Variants in TNFSF4 observed in about 807,000 individuals in gnomAD.
The protein encoded by TNFSF4 is tumor necrosis factor ligand superfamily member 4.
A neutral mutation model predicts 7.3 loss-of-function variants in TNFSF4; 4 were observed. The ratio of observed to expected loss-of-function variants is 0.55; its 90% CI spans 0.27 to 1.25. The LOEUF (loss-of-function observed/expected upper bound fraction) is 1.25, where lower values mean the gene tolerates loss of function less well. Ranked by LOEUF, TNFSF4 falls within the 50% of genes most tolerant of loss-of-function variation. TNFSF4 has a pLI of 0.12. For synonymous variants in TNFSF4, 76 were observed against 83.7 expected (o/e 0.91, Z 0.50); for missense variants, 181 against 208.8 (o/e 0.87, Z 0.82).
chr1:173,220,147 C>T, the TNFSF4 span, among the ~76,000 whole-genome samples: 3 of 152,008 alleles, frequency 2.0e-5, no homozygotes, highest in South Asian at 2.1e-4. Context: ...ACTCAGCAAC[C>T]TTCAAATATC....
chr1:173,210,045 T>C (rs911121205), upstream of TNFSF4, among the ~76,000 whole-genome samples: 28 of 151,996 alleles, frequency 1.8e-4, no homozygotes, highest in Non-Finnish European at 3.2e-4. Flanking sequence ...TTTTTTTTTT[T>C]CTTTGGTTTG....
At chr1:173,374,258 C>T in the TNFSF4 span, among the ~76,000 whole-genome samples, 2 of 152,108 alleles carry the variant, frequency 1.3e-5, no homozygotes, top group Non-Finnish European at 2.9e-5. Flanking sequence ...ACCTTAAGAA[C>T]CTACCCAAAG....
At chr1:173,197,869 C>A (rs1397423215) in intron 1 of TNFSF4, among the ~76,000 whole-genome samples, 1 of 152,082 alleles carries the variant, frequency 6.6e-6, no homozygotes, top group African/African-American at 2.4e-5. Context: ...AAAAGAAAGT[C>A]AATTGACCAT....
the TNFSF4 span, among the ~76,000 whole-genome samples, chr1:173,349,185 C>T: frequency 1.6e-3 from 237 of 152,218 alleles, no homozygotes; most frequent in African/African-American, 5.6e-3. Context: ...CCCGCTGCCA[C>T]GCCCGGCTAA....
chr1:173,361,072 G>A, the TNFSF4 span, among the ~76,000 whole-genome samples: 1 of 152,202 alleles, frequency 6.6e-6, no homozygotes, highest in Non-Finnish European at 1.5e-5. Context: ...CTTACTGAAT[G>A]TGGTTACAAG....
chr1:173,231,692 A>G, the TNFSF4 span, among the ~76,000 whole-genome samples: 2 of 152,190 alleles, frequency 1.3e-5, no homozygotes, highest in Non-Finnish European at 2.9e-5. Flanking sequence ...TGCCGATGAC[A>G]TGATTGTATA....
At chr1:173,420,048 A>G in the TNFSF4 span, among the ~76,000 whole-genome samples, 12,341 of 152,230 alleles carry the variant, frequency 0.081, 763 homozygotes, top group East Asian at 0.28. Flanking sequence ...AGCTGCATGC[A>G]GCAAAATGCA....
At chr1:173,405,736 G>T in the TNFSF4 span, among the ~76,000 whole-genome samples, 1 of 152,176 alleles carries the variant, frequency 6.6e-6, no homozygotes, top group Admixed American at 6.5e-5. Context: ...TACATAAAAA[G>T]AGTAGATGGT....
chr1:173,233,508 A>T, the TNFSF4 span, among the ~76,000 whole-genome samples: 17 of 152,232 alleles, frequency 1.1e-4, no homozygotes, highest in East Asian at 3.3e-3. Flanking sequence ...GAGAAAAGCA[A>T]CTCCAAGACA....
chr1:173,365,458 G>A, the TNFSF4 span, among the ~76,000 whole-genome samples: 9 of 152,232 alleles, frequency 5.9e-5, no homozygotes, highest in East Asian at 1.5e-3. Flanking sequence ...GTCCTATAAT[G>A]AGGGGAAATT....
At chr1:173,325,331 A>C in the TNFSF4 span, among the ~76,000 whole-genome samples, 4 of 152,208 alleles carry the variant, frequency 2.6e-5, no homozygotes, top group Non-Finnish European at 5.9e-5. Flanking sequence ...ACAAAGACAC[A>C]ACATACCAGA....
chr1:173,209,647 G>C (rs752857676), upstream of TNFSF4, among the ~76,000 whole-genome samples: 10 of 152,088 alleles, frequency 6.6e-5, no homozygotes, highest in Non-Finnish European at 1.3e-4. Context: ...TAGGACTATA[G>C]ACACGCAACA....
chr1:173,285,270 A>C, the TNFSF4 span, among the ~76,000 whole-genome samples: 1 of 152,196 alleles, frequency 6.6e-6, no homozygotes, highest in South Asian at 2.1e-4. Context: ...CAATTGCTGC[A>C]ATTATATGCT....
the TNFSF4 span, among the ~76,000 whole-genome samples, chr1:173,274,390 A>G: frequency 1.3e-5 from 2 of 152,114 alleles, no homozygotes; most frequent in African/African-American, 4.8e-5. Flanking sequence ...CTGTACTTCT[A>G]TAAAAATGGA....
the TNFSF4 span, among the ~76,000 whole-genome samples, chr1:173,342,192 T>C: frequency 5.8e-4 from 88 of 152,296 alleles, no homozygotes; most frequent in South Asian, 0.018. Context: ...GAATCCTTGG[T>C]AAATCATAGC....
At chr1:173,407,706 G>GTGTGTC in the TNFSF4 span, among the ~76,000 whole-genome samples, 1 of 150,662 alleles carries the variant, frequency 6.6e-6, no homozygotes, top group Non-Finnish European at 1.5e-5. Flanking sequence ...GTAAATGGGT[G>GTGTGTC]TGTGTGTGTG....
chr1:173,348,426 T>C, the TNFSF4 span, among the ~76,000 whole-genome samples: 3 of 152,234 alleles, frequency 2.0e-5, no homozygotes, highest in African/African-American at 7.2e-5. Flanking sequence ...AACTTCTTTC[T>C]TTTGTAAATT....
chr1:173,396,023 G>C, the TNFSF4 span, among the ~76,000 whole-genome samples: 1 of 152,144 alleles, frequency 6.6e-6, no homozygotes, highest in Admixed American at 6.5e-5. Context: ...TTTCAAGGCT[G>C]CTGATTCACC....
At chr1:173,364,408 C>CAT in the TNFSF4 span, among the ~76,000 whole-genome samples, 1 of 144,536 alleles carries the variant, frequency 6.9e-6, no homozygotes, top group Non-Finnish European at 1.5e-5. Flanking sequence ...TATATACACA[C>CAT]ACACATATAT....
Sources: allele counts gnomAD v4.1 joint callset (sites outside exome capture counted in the v4.1 genomes callset), GRCh38; gene constraint gnomAD v4.1.1; transcripts MANE v1.5; gene names NCBI Gene and HGNC (gene_info 2026-07-23, HGNC 2026-07-21).